The following AKT3 variants were observed in gnomAD, a reference collection of about 807,000 sequenced individuals.
AKT3 encodes RAC-gamma serine/threonine-protein kinase.
A neutral mutation model predicts 65.3 loss-of-function variants in AKT3; 15 were observed. That is an observed-to-expected ratio of 0.23 (90% CI 0.15 to 0.35). AKT3 has a LOEUF of 0.35. Ranked by LOEUF, AKT3 falls within the 10% of genes least tolerant of loss-of-function variation. The pLI, the probability that AKT3 is intolerant of heterozygous loss-of-function variation, is 1.00. For missense variants in AKT3, 243 were observed against 576.5 expected (o/e 0.42, Z 5.92); for synonymous variants, 206 against 183.8 (o/e 1.12, Z -0.98).
chr1:243,544,245 G>GGAA, intron 12 of AKT3, among the ~76,000 whole-genome samples: 1 of 73,240 alleles, frequency 1.4e-5, no homozygotes, highest in African/African-American at 5.1e-5. Context: ...GGTAGTGGGG[G>GGAA]AAAAAAAAAA....
chr1:243,671,217 A>G (rs764665704), intron 3 of AKT3, among the ~76,000 whole-genome samples: 10 of 151,730 alleles, frequency 6.6e-5, no homozygotes, highest in Non-Finnish European at 1.5e-4. Context: ...AGCTGGGACT[A>G]CAGGTGGCCA....
chr1:243,820,825 G>A (rs914522873), intron 2 of AKT3, among the ~76,000 whole-genome samples: 1 of 152,176 alleles, frequency 6.6e-6, no homozygotes, highest in African/African-American at 2.4e-5. Flanking sequence ...ACCTGAAAGA[G>A]ATGGGGAAAA....
rs370517204 is a variant in AKT3, at chr1:243,509,440, G to C, written c.1354+2884C>G. ...GTAAGATGAATTTCGAAGAGATTCT[G>C]GTCCTTGAAAGCTAGGGCTTTGAAA... is the stretch of plus-strand genomic sequence containing the variant. On this transcript the variant is annotated intron_variant, in intron 13 of 13. Coordinates refer to ENST00000673466, the MANE Select transcript of AKT3 (RefSeq NM_005465.7). 4.6e-5 allele frequency among the ~76,000 whole-genome samples: 7 copies of C among 152,146 alleles called. No homozygotes were observed. In the East Asian group the frequency reaches 9.6e-4, roughly 21 times the overall value.
Position 243,499,952 on chromosome 1 carries a change from G to GGCTGGA in AKT3, c.*5291_*5296dup, listed in dbSNP as rs1302601533. 29 of 679,598 alleles carry GGCTGGA rather than the reference G, an allele frequency of 4.3e-5. No homozygotes were observed. In the East Asian group the frequency reaches 7.9e-4, roughly 18 times the overall value. 42.1% of individuals were successfully genotyped at this position (679,598 alleles called of 1,614,324 possible). A position where few individuals can be genotyped will look rare whatever the true frequency, so the allele number is the denominator to read the frequency against. On this transcript the variant is annotated 3_prime_UTR_variant, in exon 14 of 14. Coordinates refer to ENST00000673466, the MANE Select transcript of AKT3 (RefSeq NM_005465.7). ...CGGGCGCTGTCCCCGCACGCAGTCG[G>GGCTGGA]GCTGGAGCTGGAGTCTGACTCTAGC... is the stretch of plus-strand genomic sequence containing the variant.
chr1:243,557,380 C>T (rs975005071), intron 10 of AKT3, among the ~76,000 whole-genome samples: 1 of 151,948 alleles, frequency 6.6e-6, no homozygotes, highest in South Asian at 2.1e-4. Context: ...TAGAATCACA[C>T]CGAAGTACTG....
intron 2 of AKT3, among the ~76,000 whole-genome samples, chr1:243,699,829 T>C (rs1685332683): frequency 6.6e-6 from 1 of 152,050 alleles, no homozygotes; most frequent in South Asian, 2.1e-4. Context: ...TAAATCCAAT[T>C]ACAAATGTCC....
chr1:243,531,715 C>T (rs1233310515), intron 12 of AKT3, among the ~76,000 whole-genome samples: 2 of 152,122 alleles, frequency 1.3e-5, no homozygotes, highest in African/African-American at 2.4e-5. Context: ...TTTGAGTACT[C>T]TCATCTTAAA....
At chr1:243,669,373 G>A (rs1683019379) in intron 3 of AKT3, among the ~76,000 whole-genome samples, 1 of 152,126 alleles carries the variant, frequency 6.6e-6, no homozygotes, top group Admixed American at 6.5e-5. Flanking sequence ...GAAATACTAT[G>A]GGGTACAGAG....
At chr1:243,495,249 G>A (rs961403158), downstream of AKT3, among the ~76,000 whole-genome samples, 32 of 152,216 alleles carry the variant, frequency 2.1e-4, no homozygotes, top group Admixed American at 1.8e-3. Context: ...GTGCGGGGCC[G>A]CCTCCCTCTC....
At chr1:243,639,090 T>C (rs1317436320) in intron 5 of AKT3, among the ~76,000 whole-genome samples, 3 of 152,164 alleles carry the variant, frequency 2.0e-5, no homozygotes, top group Non-Finnish European at 2.9e-5. Flanking sequence ...CGTAAGAGAC[T>C]ATTATAAATG....
intron 6 of AKT3, among the ~76,000 whole-genome samples, chr1:243,617,388 T>G (rs985017606): frequency 9.2e-5 from 14 of 151,974 alleles, no homozygotes; most frequent in Non-Finnish European, 1.0e-4. Flanking sequence ...GGCTATTTTG[T>G]GATATACTGA....
intron 4 of AKT3, among the ~76,000 whole-genome samples, chr1:243,654,339 A>T (rs367712632): frequency 2.6e-5 from 4 of 152,332 alleles, no homozygotes; most frequent in African/African-American, 9.6e-5. Flanking sequence ...TTTAAAAATC[A>T]ATGCTTACTT....
chr1:243,563,619 T>C (rs1282731265), intron 10 of AKT3, 101 bp downstream of exon 10: 20 of 1,390,734 alleles, frequency 1.4e-5, no homozygotes, highest in Non-Finnish European at 1.6e-5. Flanking sequence ...GAAATATAGA[T>C]AAAAGTAGTA....
intron 2 of AKT3, among the ~76,000 whole-genome samples, chr1:243,729,367 T>C (rs1687405122): frequency 6.6e-6 from 1 of 152,086 alleles, no homozygotes; most frequent in Non-Finnish European, 1.5e-5. Context: ...TTTGAGATTT[T>C]GAAAAGATTA....
chr1:243,690,922 C>A (rs771857472), intron 3 of AKT3, among the ~76,000 whole-genome samples: 2 of 152,010 alleles, frequency 1.3e-5, no homozygotes, highest in Non-Finnish European at 2.9e-5. Flanking sequence ...AAAGTTAAGT[C>A]ATAAAATACA....
intron 12 of AKT3, among the ~76,000 whole-genome samples, chr1:243,542,881 C>T (rs1672412608): frequency 3.3e-5 from 5 of 151,986 alleles, no homozygotes; most frequent in Admixed American, 3.3e-4. Context: ...ATATATGGGG[C>T]GGCAGAGAAC....
chr1:243,813,755 C>T (rs549946917), intron 2 of AKT3, among the ~76,000 whole-genome samples: 1 of 152,246 alleles, frequency 6.6e-6, no homozygotes, highest in Admixed American at 6.5e-5. Flanking sequence ...GCTAGAAGAA[C>T]TTAGAGATAA....
At chr1:243,592,531 A>G (rs984985969) in intron 8 of AKT3, among the ~76,000 whole-genome samples, 1 of 152,220 alleles carries the variant, frequency 6.6e-6, no homozygotes, top group Non-Finnish European at 1.5e-5. Flanking sequence ...AAACTGTATA[A>G]GCCAGAAGAA....
chr1:243,586,864 T>A (rs1574658784), intron 8 of AKT3, among the ~76,000 whole-genome samples: 1 of 151,926 alleles, frequency 6.6e-6, no homozygotes, highest in Middle Eastern at 3.4e-3. Context: ...AGTACCTTCT[T>A]GAATTTAAAA....
Sources: allele counts gnomAD v4.1 joint callset (sites outside exome capture counted in the v4.1 genomes callset), GRCh38; gene constraint gnomAD v4.1.1; transcripts MANE v1.5; gene names NCBI Gene and HGNC (gene_info 2026-07-23, HGNC 2026-07-21).